Variants in RALYL observed in about 807,000 individuals in gnomAD.
The protein encoded by RALYL is RALY RNA binding protein like.
In RALYL, 29 loss-of-function variants were observed where a neutral mutation model predicts 35.1. The ratio of observed to expected loss-of-function variants is 0.83; its 90% CI spans 0.61 to 1.13. The LOEUF (loss-of-function observed/expected upper bound fraction) is 1.13, where lower values mean the gene tolerates loss of function less well. Among genes scored for constraint, RALYL ranks in the 50% most tolerant of loss-of-function variants. RALYL has a pLI of 0.00. For missense variants in RALYL, 359 were observed against 360.4 expected, an observed-to-expected ratio of 1.00 and a Z score of 0.03; for synonymous variants, 120 against 127.6, an observed-to-expected ratio of 0.94 and a Z score of 0.40.
intron 1 of RALYL, among the ~76,000 whole-genome samples, chr8:84,296,783 G>A (rs916306470): frequency 6.6e-6 from 1 of 151,874 alleles, no homozygotes; most frequent in African/African-American, 2.4e-5. Context: ...AATGGAGTAG[G>A]AAGCATCTGG....
chr8:84,425,902 G>A (rs557488058), intron 1 of RALYL, among the ~76,000 whole-genome samples: 8 of 151,506 alleles, frequency 5.3e-5, no homozygotes, highest in South Asian at 2.1e-4. Flanking sequence ...TACCAGTACA[G>A]CATTTTTGCA....
At chr8:84,887,267 G>C (rs1265424897) in intron 7 of RALYL, among the ~76,000 whole-genome samples, 1 of 152,062 alleles carries the variant, frequency 6.6e-6, no homozygotes, top group African/African-American at 2.4e-5. Flanking sequence ...CTCTCAGAAA[G>C]ACCATCCTTA....
At chr8:84,852,914 C>T (rs1836172604) in intron 5 of RALYL, among the ~76,000 whole-genome samples, 1 of 152,144 alleles carries the variant, frequency 6.6e-6, no homozygotes, top group South Asian at 2.1e-4. Context: ...ACAACAACAA[C>T]AACAAAAACC....
intron 2 of RALYL, among the ~76,000 whole-genome samples, chr8:84,648,108 G>A (rs567595186): frequency 3.3e-5 from 5 of 151,918 alleles, no homozygotes; most frequent in East Asian, 1.9e-4. Flanking sequence ...GAGCATGTGC[G>A]CACATGCGTG....
At chr8:84,695,549 A>G (rs764670111) in intron 2 of RALYL, among the ~76,000 whole-genome samples, 12 of 151,838 alleles carry the variant, frequency 7.9e-5, no homozygotes, top group Non-Finnish European at 4.4e-5. Context: ...TGAAAACCTT[A>G]TGAATCACAT....
At chr8:84,812,787 G>T (rs748996151) in intron 4 of RALYL, among the ~76,000 whole-genome samples, 1 of 152,116 alleles carries the variant, frequency 6.6e-6, no homozygotes, top group Non-Finnish European at 1.5e-5. Flanking sequence ...GCCCCAAGTT[G>T]GTTTGCAGGC....
At chr8:84,848,239 A>T (rs943245899) in intron 4 of RALYL, among the ~76,000 whole-genome samples, 1 of 152,136 alleles carries the variant, frequency 6.6e-6, no homozygotes, top group East Asian at 1.9e-4. Context: ...CAAGATGTGG[A>T]AACAGCCAAG....
At chr8:84,329,162 G>A (rs1846362442) in intron 1 of RALYL, among the ~76,000 whole-genome samples, 1 of 152,088 alleles carries the variant, frequency 6.6e-6, no homozygotes, top group Non-Finnish European at 1.5e-5. Flanking sequence ...TCTGTTTTAA[G>A]TTCTTTGAGA....
At chr8:84,260,091 A>T (rs986843425) in intron 1 of RALYL, among the ~76,000 whole-genome samples, 1 of 152,166 alleles carries the variant, frequency 6.6e-6, no homozygotes, top group Admixed American at 6.6e-5. Context: ...TACAAGTTAG[A>T]TATTTCCTGA....
chr8:84,234,973 C>T (rs773337390), intron 1 of RALYL, among the ~76,000 whole-genome samples: 4 of 152,086 alleles, frequency 2.6e-5, no homozygotes, highest in Admixed American at 6.5e-5. Context: ...CTAAATTGGC[C>T]AGGCTGGTCT....
chr8:84,664,653 C>T (rs1473780492), intron 2 of RALYL, among the ~76,000 whole-genome samples: 1 of 151,936 alleles, frequency 6.6e-6, no homozygotes, highest in Non-Finnish European at 1.5e-5. Flanking sequence ...TATCTGGATG[C>T]TAGTGATTTT....
chr8:84,801,081 C>A (rs531152581), intron 3 of RALYL, among the ~76,000 whole-genome samples: 2 of 152,272 alleles, frequency 1.3e-5, no homozygotes, highest in East Asian at 1.9e-4. Context: ...TAGTGAACAA[C>A]AGCTAAGCAG....
chr8:84,480,295 CATT>C, intron 1 of RALYL, among the ~76,000 whole-genome samples: 1 of 152,066 alleles, frequency 6.6e-6, no homozygotes, highest in Non-Finnish European at 1.5e-5. Context: ...ATTACTGACT[CATT>C]ATCATCATCA....
intron 4 of RALYL, among the ~76,000 whole-genome samples, chr8:84,843,518 A>T (rs1833903425): frequency 6.6e-6 from 1 of 152,354 alleles, no homozygotes; most frequent in Non-Finnish European, 1.5e-5. Context: ...GGAAGAATCA[A>T]TATCGTGAAA....
intron 1 of RALYL, among the ~76,000 whole-genome samples, chr8:84,333,732 C>T (rs1376004863): frequency 1.3e-5 from 2 of 152,144 alleles, no homozygotes; most frequent in Admixed American, 1.3e-4. Flanking sequence ...GAGTTGGAGA[C>T]TGTAATCCCA....
chr8:84,668,674 A>G (rs1430920360), intron 2 of RALYL, among the ~76,000 whole-genome samples: 1 of 152,184 alleles, frequency 6.6e-6, no homozygotes, highest in Non-Finnish European at 1.5e-5. Context: ...TAGAACAGTC[A>G]TTCTGGTGAG....
At chr8:84,648,210 A>G (rs1318803794) in intron 2 of RALYL, among the ~76,000 whole-genome samples, 4 of 152,126 alleles carry the variant, frequency 2.6e-5, no homozygotes, top group Non-Finnish European at 5.9e-5. Context: ...CTGTGGAGGT[A>G]GACTCCTGCA....
At position 84,318,606 on chromosome 8, in the gene RALYL, T is replaced by C. The variant is rs1232736012; in HGVS notation, c.-24+134182T>C. On this transcript the variant is annotated intron_variant, in intron 1 of 8. Coordinates refer to ENST00000521268, the MANE Select transcript of RALYL (RefSeq NM_173848.7). ...TGCTCACTAATTTTCTTTTTCCTTC[T>C]TGTTATTGGCCATTTACTCAGGAAG... Among the ~76,000 whole-genome samples, 3 of 152,202 alleles carry C rather than the reference T, an allele frequency of 2.0e-5. No homozygotes were observed. The South Asian group carries it at 6.2e-4, about 32-fold the overall frequency.
chr8:84,373,012 TC>T (rs1439982332), intron 1 of RALYL, among the ~76,000 whole-genome samples: 2 of 151,382 alleles, frequency 1.3e-5, no homozygotes, highest in African/African-American at 4.9e-5. Flanking sequence ...GAGCTTTTTT[TC>T]ATATGCTTGT....
Sources: gnomAD v4.1 joint callset for allele counts (sites outside exome capture counted in the v4.1 genomes callset) on GRCh38, gnomAD v4.1.1 for gene constraint, MANE v1.5 for transcripts, NCBI Gene and HGNC (gene_info 2026-07-23, HGNC 2026-07-21) for gene names.